Variants in OXTR observed in about 807,000 individuals in gnomAD.
OXTR encodes oxytocin receptor.
In OXTR, 19 loss-of-function variants were observed where a neutral mutation model predicts 23.9. The observed-to-expected ratio is 0.80, with a 90% CI of 0.56 to 1.17. OXTR has a LOEUF of 1.17. Ranked by LOEUF, OXTR falls within the 50% of genes most tolerant of loss-of-function variation. The pLI, the probability that OXTR is intolerant of heterozygous loss-of-function variation, is 0.00. For missense variants in OXTR, 500 were observed against 550.7 expected (o/e 0.91, Z 0.92); for synonymous variants, 278 against 250.5 (o/e 1.11, Z -1.04).
chr3:8,745,860 A>T (rs730880423), downstream of OXTR: 12 of 1,611,130 alleles, frequency 7.4e-6, no homozygotes, highest in Non-Finnish European at 9.3e-6. This position sits in a 1 kb window ranked among gnomAD's most constrained non-coding sequence, Gnocchi z 4.8. Context: ...CTGCGGAAGG[A>T]GGTCTAAAGC....
In OXTR at chr3:8,768,182, C is replaced by A; in HGVS notation, c.6G>T (p.Glu2Asp). 7.7e-7 allele frequency: 1 copy of A among 1,301,836 alleles called. No homozygotes were observed. Among genetic ancestry groups the A allele is most frequent in the South Asian group, 2.5e-5 (1 of 40,096 alleles). 80.6% of individuals were successfully genotyped at this position (1,301,836 alleles called of 1,614,324 possible). Residue 2 changes from glutamate (E) to aspartate (D), a missense_variant, in exon 3 of 4, where the codon GAG becomes GAT. Transcript: ENST00000316793. The surrounding 1 kb of genome is among the most constrained non-coding windows in gnomAD (Gnocchi z 5.4). M[E>D]GALAANWSAE... ...CGCTCCAGTTGGCTGCGAGCGCGCC[C>A]TCCATGACCCTGGCGGCAGCGGTGC...
At chr3:8,759,819 G>T (rs1708449914) in intron 3 of OXTR, among the ~76,000 whole-genome samples, 1 of 152,196 alleles carries the variant, frequency 6.6e-6, no homozygotes, top group African/African-American at 2.4e-5. Context: ...ACTGGCAGAG[G>T]CTGCCCCTCA....
In OXTR at chr3:8,765,181, T is replaced by C. The variant is rs566119108; in HGVS notation, c.922+2085A>G. ...ATCAATTGTTGACGTGCTTTTAAAG[T>C]GTAGAAAAGATCTAAACTTCGCTTC... On this transcript the variant is annotated intron_variant, in intron 3 of 3. Transcript: ENST00000316793. Among the ~76,000 whole-genome samples the C allele has an allele frequency of 1.2e-4, 18 of 152,338 alleles. No individual in the cohort carries two copies. In the South Asian group the frequency reaches 3.7e-3, roughly 32 times the overall value.
In OXTR at chr3:8,765,500, C is replaced by G. The variant is rs1226236954; in HGVS notation, c.922+1766G>C. Reference sequence around the variant, plus strand: ...ATAAAGAGATCTCTCATCTAACATCCCAAAGCTAGTAAGGGCTGGAGGAGG... The same window carrying G: ...ATAAAGAGATCTCTCATCTAACATCGCAAAGCTAGTAAGGGCTGGAGGAGG... On this transcript the variant is annotated intron_variant, in intron 3 of 3. Transcript: ENST00000316793. Among the ~76,000 whole-genome samples, 3 of 152,188 alleles carry G rather than the reference C, an allele frequency of 2.0e-5. No individual in the cohort carries two copies. The East Asian group carries it at 5.8e-4, about 29-fold the overall frequency.
In OXTR at chr3:8,755,815, G is replaced by T. The variant is rs553313932; in HGVS notation, c.923-2591C>A. On this transcript the variant is annotated intron_variant, in intron 3 of 3. Transcript: ENST00000316793. ...CAGCACTTCAAAGCTCTACCATCAG[G>T]GGGAGATCTATTTGGAACACAAAGC... Among the ~76,000 whole-genome samples the T allele has an allele frequency of 2.6e-5, 4 of 152,320 alleles. No homozygotes were observed. The South Asian group carries it at 8.3e-4, about 32-fold the overall frequency.
chr3:8,767,286 T>A lies in OXTR; in HGVS notation c.902A>T (p.Asp301Val), dbSNP rs1708629131. Residue 301 changes from aspartate to valine, a missense_variant, in exon 3 of 4, where the codon GAT (aspartate) becomes GTT (valine). Transcript: ENST00000316793. ...GCTACCTTCCTTGGGCGCGTTGGCA[T>A]CCCAGACGCTCCACATCTGCACGAA... ...FFFVQMWSVWDANAPKEASAF... is the reference protein window; with the variant it reads ...FFFVQMWSVWVANAPKEASAF... The A allele has an allele frequency of 6.4e-7, 1 of 1,560,064 alleles. No individual in the cohort carries two copies. The highest frequency in any genetic ancestry group is 1.2e-5 in the South Asian group (1 of 82,704).
chr3:8,755,260 T>C (rs576640903), intron 3 of OXTR, among the ~76,000 whole-genome samples: 2 of 151,724 alleles, frequency 1.3e-5, no homozygotes, highest in East Asian at 3.9e-4. Context: ...TTAGAAATAA[T>C]GAAAGAGGCA....
At chr3:8,763,392 T>C (rs980338703) in intron 3 of OXTR, among the ~76,000 whole-genome samples, 5 of 152,144 alleles carry the variant, frequency 3.3e-5, no homozygotes, top group African/African-American at 1.2e-4. Context: ...CTGGGCGTTT[T>C]ACCAGGGAGA....
Position 8,751,725 on chromosome 3 carries a change from T to TC in OXTR, c.*1251dup, listed in dbSNP as rs1231922303. On this transcript the variant is annotated 3_prime_UTR_variant, in exon 4 of 4. Transcript: ENST00000316793. ...TTCATATCTGTACTCTTTATTCTGCTCCGTATGTCTATCCTTAAACCAGTA... is the reference window on the plus strand; with the variant it reads ...TTCATATCTGTACTCTTTATTCTGCTCCCGTATGTCTATCCTTAAACCAGTA... 1 of 152,234 alleles carries TC rather than the reference T, an allele frequency of 6.6e-6. No individual in the cohort carries two copies. Among genetic ancestry groups the TC allele is most frequent in the East Asian group, 1.9e-4 (1 of 5,198 alleles). 9.4% of individuals were successfully genotyped at this position (152,234 alleles called of 1,614,324 possible).
In OXTR at chr3:8,768,144, T is replaced by C. The variant is rs921957230; in HGVS notation, c.44A>G (p.Asn15Ser). 1 of 1,334,904 alleles carries C rather than the reference T, an allele frequency of 7.5e-7. No homozygotes were observed. Among genetic ancestry groups the C allele is most frequent in the Non-Finnish European group, 9.5e-7 (1 of 1,051,624 alleles). The allele number at this position is 1,334,904 out of a possible 1,614,324, so 82.7% of individuals were successfully genotyped here. ...LAANWSAEAA[N>S]ASAAPPGAEG... ...GGCCCCCGGCGGCGCGGCGCTGGCGTTGGCTGCCTCGGCGCTCCAGTTGGC... is the reference window on the plus strand; with the variant it reads ...GGCCCCCGGCGGCGCGGCGCTGGCGCTGGCTGCCTCGGCGCTCCAGTTGGC... The change falls in exon 3 of 4, where the codon AAC becomes AGC. Residue 15 changes from asparagine to serine, a missense_variant. Transcript: ENST00000316793. This position sits in a 1 kb window ranked among gnomAD's most constrained non-coding sequence, Gnocchi z 5.4.
chr3:8,758,815 G>C (rs1708430412), intron 3 of OXTR, among the ~76,000 whole-genome samples: 1 of 152,178 alleles, frequency 6.6e-6, no homozygotes, highest in Non-Finnish European at 1.5e-5. Flanking sequence ...CCACATTCTG[G>C]AAGAAGACAA....
intron 3 of OXTR, among the ~76,000 whole-genome samples, chr3:8,759,740 G>C (rs1170202647): frequency 1.3e-5 from 2 of 152,248 alleles, no homozygotes; most frequent in African/African-American, 4.8e-5. Context: ...GAGGGCAGAA[G>C]CCCACAGTCT....
chr3:8,755,748 T>C (rs912093427), intron 3 of OXTR, among the ~76,000 whole-genome samples: 2 of 152,190 alleles, frequency 1.3e-5, no homozygotes, highest in African/African-American at 4.8e-5. Flanking sequence ...GTTCTTAATT[T>C]GTCAATATCC....
At chr3:8,757,511 A>T (rs1228050715) in intron 3 of OXTR, among the ~76,000 whole-genome samples, 1 of 152,074 alleles carries the variant, frequency 6.6e-6, no homozygotes, top group Non-Finnish European at 1.5e-5. Flanking sequence ...GGAACTCTAG[A>T]CAGTCCATTC....
At chr3:8,755,777 A>C (rs574001649) in intron 3 of OXTR, among the ~76,000 whole-genome samples, 3 of 152,322 alleles carry the variant, frequency 2.0e-5, no homozygotes, top group East Asian at 3.9e-4. Context: ...CAAAGTCGTT[A>C]AGTTTCCAGG....
downstream of OXTR, among the ~76,000 whole-genome samples, chr3:8,748,525 A>G (rs1708204316): frequency 6.6e-6 from 1 of 152,204 alleles, no homozygotes; most frequent in South Asian, 2.1e-4. Flanking sequence ...TGGGGTCTAC[A>G]AGCCACCAGT....
intron 3 of OXTR, among the ~76,000 whole-genome samples, chr3:8,759,945 C>T (rs531716233): frequency 6.6e-6 from 1 of 152,210 alleles, no homozygotes. Flanking sequence ...TACCTCTAAA[C>T]CAGAGCTAGA....
At chr3:8,746,963 T>C (rs1378514937), downstream of OXTR, among the ~76,000 whole-genome samples, 1 of 152,210 alleles carries the variant, frequency 6.6e-6, no homozygotes, top group Non-Finnish European at 1.5e-5. Context: ...AGATTTTCAA[T>C]AGACTTTGGC....
chr3:8,767,861 G>A lies in OXTR; in HGVS notation c.327C>T (p.Asp109=), dbSNP rs376653058. 12 of 1,613,300 alleles carry A rather than the reference G, an allele frequency of 7.4e-6. No homozygotes were observed. The African/African-American group carries it at 1.3e-4, about 18-fold the overall frequency. The change falls in exon 3 of 4, where the codon GAC becomes GAT. Residue 109 remains aspartate, a synonymous_variant. Transcript: ENST00000316793. The stretch of plus-strand genomic sequence containing the variant: ...AGTACTTGACCAGGCGGCACAGCAG[G>A]TCGGGCCCGTAGAAGCGGAAGGTGA... ...WDITFRFYGP[D]LLCRLVKYLQ...
Sources: allele counts gnomAD v4.1 joint callset (sites outside exome capture counted in the v4.1 genomes callset), GRCh38; gene constraint gnomAD v4.1.1; non-coding constraint Gnocchi (gnomAD v3.1); transcripts MANE v1.5; gene names NCBI Gene and HGNC (gene_info 2026-07-23, HGNC 2026-07-21).